SFXN1: variants seen among roughly 807,000 people sequenced by gnomAD.
SFXN1 encodes sideroflexin-1.
SFXN1 carries 32 observed loss-of-function variants against 39.5 expected under a neutral mutation model. The ratio of observed to expected loss-of-function variants is 0.81; its 90% CI spans 0.61 to 1.09. The LOEUF is 1.09. Among genes scored for constraint, SFXN1 ranks in the 50% least tolerant of loss-of-function variants. The probability of loss-of-function intolerance (pLI) is 0.00; values close to 1 mark genes in which losing one functional copy is unlikely to be tolerated. For missense variants in SFXN1, 402 were observed against 407.1 expected (o/e 0.99, Z 0.11); for synonymous variants, 136 against 146.5 (o/e 0.93, Z 0.52).
At chr5:175,499,263 A>C (rs1051066138) in intron 2 of SFXN1, among the ~76,000 whole-genome samples, 1 of 152,082 alleles carries the variant, frequency 6.6e-6, no homozygotes, top group Non-Finnish European at 1.5e-5. Flanking sequence ...TCAAGAAAAA[A>C]AAAAAAGGGA....
intron 1 of SFXN1, chr5:175,483,710 G>A (rs17065085): frequency 0.066 from 10,105 of 152,284 alleles, 456 homozygotes; most frequent in Admixed American, 0.1. Context: ...CTCAGTAAGC[G>A]CCTCTTCCAC....
intron 1 of SFXN1, 139 bp from the exon 2 acceptor site, chr5:175,491,956 G>T: frequency 1.9e-6 from 1 of 520,256 alleles, no homozygotes. Context: ...TGGCCTTTTT[G>T]CCATTTATAG....
chr5:175,480,021 G>A (rs1163560818), intron 1 of SFXN1, among the ~76,000 whole-genome samples: 1 of 152,180 alleles, frequency 6.6e-6, no homozygotes, highest in African/African-American at 2.4e-5. Context: ...TGTTTGGGAG[G>A]ATGAATGGGG....
rs1174177204 is a variant in SFXN1, at chr5:175,513,379, G to GGTTGA, written c.597-83_597-79dup. 2.9e-5 allele frequency: 42 copies of GGTTGA among 1,470,648 alleles called. No individual in the cohort carries two copies. The East Asian group carries it at 7.1e-4, about 25-fold the overall frequency. 91.1% of individuals were successfully genotyped at this position (1,470,648 alleles called of 1,614,324 possible). A position where few individuals can be genotyped will look rare whatever the true frequency, so the allele number is the denominator to read the frequency against. Reference sequence around the variant, plus strand: ...GAGTGGGTATTTGAATTAAGTAGAGGGTTGATCTTTCCCAACATAGTACTA... The same window carrying GGTTGA: ...GAGTGGGTATTTGAATTAAGTAGAGGGTTGAGTTGATCTTTCCCAACATAGTACTA... On this transcript the variant is annotated intron_variant, in intron 6 of 10. Transcript: ENST00000321442.
chr5:175,522,661 G>A, intron 10 of SFXN1: 1 of 448,850 alleles, frequency 2.2e-6, no homozygotes, highest in Non-Finnish European at 4.0e-6. Flanking sequence ...TTATTCTTTT[G>A]TGAGAATCAG....
chr5:175,484,887 T>C (rs540828639), intron 1 of SFXN1, among the ~76,000 whole-genome samples: 1 of 152,272 alleles, frequency 6.6e-6, no homozygotes, highest in South Asian at 2.1e-4. Context: ...GAATAGGAAA[T>C]AAGTTTTGAT....
At chr5:175,495,917 T>C (rs1759842848) in intron 2 of SFXN1, among the ~76,000 whole-genome samples, 2 of 137,312 alleles carry the variant, frequency 1.5e-5, no homozygotes, top group South Asian at 5.2e-4. Context: ...TTTTTTTTTT[T>C]GAGACGGAGT....
chr5:175,524,511 T>G (rs1760998942), intron 10 of SFXN1, among the ~76,000 whole-genome samples: 1 of 152,040 alleles, frequency 6.6e-6, no homozygotes, highest in Non-Finnish European at 1.5e-5. Context: ...CATTCTTTAT[T>G]AACATTTTTG....
At position 175,522,290 on chromosome 5, in the gene SFXN1, G is replaced by A. The variant is rs146968807; in HGVS notation, c.825-85G>A. ...AGAACGTAATGCTCTGAAGAAAGAAGGGATTGTTATAAAAGTAAAATAGAA... is the reference window on the plus strand; with the variant it reads ...AGAACGTAATGCTCTGAAGAAAGAAAGGATTGTTATAAAAGTAAAATAGAA... On this transcript the variant is annotated intron_variant, in intron 9 of 10. Transcript: ENST00000321442. 7.5e-4 allele frequency: 1,000 copies of A among 1,325,340 alleles called. 13 individuals carry two copies. In the African/African-American group the frequency reaches 0.013, roughly 17 times the overall value. 82.1% of individuals were successfully genotyped at this position (1,325,340 alleles called of 1,614,324 possible).
At position 175,516,600 on chromosome 5, in the gene SFXN1, A is replaced by T. The variant is rs772269360; in HGVS notation, c.725-14A>T. On this transcript the variant is annotated splice_polypyrimidine_tract_variant and intron_variant, in intron 7 of 10. Transcript: ENST00000321442. ...ATTAAATAAAGATTTAAGTGGATCT[A>T]TCTTTATTTCCAGCCATCCCTCCAT... 6.2e-7 allele frequency: 1 copy of T among 1,608,280 alleles called. No homozygotes were observed. Among genetic ancestry groups the T allele is most frequent in the Non-Finnish European group, 8.5e-7 (1 of 1,177,956 alleles).
At chr5:175,480,395 C>T (rs940370334) in intron 1 of SFXN1, among the ~76,000 whole-genome samples, 3 of 150,548 alleles carry the variant, frequency 2.0e-5, no homozygotes, top group African/African-American at 7.4e-5. Flanking sequence ...AGCAAGACTC[C>T]GTCTTAAAAA....
intron 1 of SFXN1, among the ~76,000 whole-genome samples, chr5:175,481,739 G>A (rs1759260663): frequency 6.6e-6 from 1 of 152,226 alleles, no homozygotes; most frequent in African/African-American, 2.4e-5. Flanking sequence ...ACGTCTCCAT[G>A]CAGAACTATC....
intron 2 of SFXN1, among the ~76,000 whole-genome samples, chr5:175,503,495 T>C (rs1760160375): frequency 6.6e-6 from 1 of 152,220 alleles, no homozygotes; most frequent in Non-Finnish European, 1.5e-5. Context: ...TAGTGTAATT[T>C]ATCACATCAA....
At position 175,480,273 on chromosome 5, in the gene SFXN1, C is replaced by T. The variant is rs1339990883; in HGVS notation, c.-10+1634C>T. 3.3e-5 allele frequency among the ~76,000 whole-genome samples: 5 copies of T among 152,182 alleles called. 1 individual carries two copies. The highest frequency in any genetic ancestry group is 1.5e-5 in the Non-Finnish European group (1 of 68,010). On this transcript the variant is annotated intron_variant, in intron 1 of 10. Transcript: ENST00000321442. Reference sequence around the variant, plus strand: ...AAAATTAGCTGGGCGTGGTTGCGGGCGCCTGTAGTCCCAGCTACTCGGGAG... The same window carrying T: ...AAAATTAGCTGGGCGTGGTTGCGGGTGCCTGTAGTCCCAGCTACTCGGGAG...
rs139206159 is a variant in SFXN1 at position 175,492,203 on chromosome 5, C to A, written c.100C>A (p.Pro34Thr). ...RANHFFTVTDPRNILLTNEQL... is the reference protein window; with the variant it reads ...RANHFFTVTDTRNILLTNEQL... ...CAATCATTTCTTCACTGTAACTGAC[C>A]CCAGGAACATTCTGTTAACCAACGA... Residue 34 changes from proline (P) to threonine (T), a missense_variant, in exon 2 of 11, where the codon CCC becomes ACC. By Grantham distance (38) the Pro-to-Thr change is conservative. Transcript: ENST00000321442. 34 of 1,613,900 alleles carry A rather than the reference C, an allele frequency of 2.1e-5. No homozygotes were observed. The African/African-American group carries it at 3.7e-4, about 18-fold the overall frequency.
At chr5:175,520,605 G>A (rs983137550) in intron 8 of SFXN1, among the ~76,000 whole-genome samples, 2 of 152,146 alleles carry the variant, frequency 1.3e-5, no homozygotes, top group East Asian at 3.9e-4. Flanking sequence ...CCTCCAAGGT[G>A]GCACACAGCT....
chr5:175,506,297 C>CA (rs1299132663), intron 2 of SFXN1, among the ~76,000 whole-genome samples: 50 of 151,976 alleles, frequency 3.3e-4, no homozygotes, highest in African/African-American at 1.1e-3. Context: ...ATAACACAAC[C>CA]AAAAAAATAA....
rs1761107596 is a variant in SFXN1 at position 175,527,678 on chromosome 5, A to G, written c.*944A>G. 1 of 152,128 alleles carries G rather than the reference A, an allele frequency of 6.6e-6. No individual in the cohort carries two copies. The highest frequency in any genetic ancestry group is 2.1e-4 in the South Asian group (1 of 4,828). 9.4% of individuals were successfully genotyped at this position (152,128 alleles called of 1,614,324 possible). On this transcript the variant is annotated 3_prime_UTR_variant, in exon 11 of 11. Coordinates refer to ENST00000321442, the MANE Select transcript of SFXN1 (RefSeq NM_022754.7). ...TGGCTTTCAGAAAGATACAGTGATA[A>G]TGTGTGTATGAATCAGTCACAATGA...
At chr5:175,516,571 T>A (rs779523871) in intron 7 of SFXN1, 43 bp from the exon 8 acceptor site, 1 of 1,543,484 alleles carries the variant, frequency 6.5e-7, no homozygotes, top group Non-Finnish European at 8.8e-7. Context: ...AGCTGAAAAT[T>A]GGCATTAAAT....
Sources: allele counts gnomAD v4.1 joint callset (sites outside exome capture counted in the v4.1 genomes callset), GRCh38; gene constraint gnomAD v4.1.1; transcripts MANE v1.5; gene names NCBI Gene and HGNC (gene_info 2026-07-23, HGNC 2026-07-21).